The following NUP210L variants were observed in gnomAD, a reference collection of about 807,000 sequenced individuals.
The protein encoded by NUP210L is nuclear pore membrane glycoprotein 210-like.
Under a neutral mutation model 208.5 loss-of-function variants are expected in NUP210L, and 74 were observed. The observed-to-expected ratio is 0.35, with a 90% CI of 0.29 to 0.43. The LOEUF is 0.43. Among genes scored for constraint, NUP210L ranks in the 20% least tolerant of loss-of-function variants. The pLI is 1.00. For missense variants in NUP210L, 1,843 were observed against 2,289.4 expected (o/e 0.81, Z 3.98); for synonymous variants, 780 against 816.9 (o/e 0.95, Z 0.77).
chr1:154,103,758 C>T (rs1013407140), intron 13 of NUP210L, among the ~76,000 whole-genome samples: 2 of 151,796 alleles, frequency 1.3e-5, no homozygotes, highest in African/African-American at 4.8e-5. Context: ...CTGATATTGG[C>T]CAGCTGCAAT....
intron 38 of NUP210L, among the ~76,000 whole-genome samples, chr1:153,994,531 C>G (rs1239703365): frequency 1.3e-5 from 2 of 150,764 alleles, no homozygotes; most frequent in South Asian, 4.2e-4. Context: ...AGGCTGGTCT[C>G]GAACTCCTGA....
At chr1:154,068,839 G>T (rs573655825) in intron 17 of NUP210L, among the ~76,000 whole-genome samples, 319 of 152,168 alleles carry the variant, frequency 2.1e-3, no homozygotes, top group African/African-American at 6.9e-3. Context: ...GTGGGGGAAG[G>T]GGGGAGGGAT....
chr1:154,061,111 C>T, intron 18 of NUP210L, 65 bp from the exon 19 acceptor site: 4 of 1,145,474 alleles, frequency 3.5e-6, no homozygotes, highest in Non-Finnish European at 5.2e-6. Flanking sequence ...CCCACGGTGG[C>T]TTACGCTTGT....
chr1:154,065,564 C>T (rs779931848), intron 17 of NUP210L, among the ~76,000 whole-genome samples: 2 of 151,986 alleles, frequency 1.3e-5, no homozygotes, highest in Non-Finnish European at 2.9e-5. Context: ...AAAGGTGACA[C>T]GTGATAAAAT....
At chr1:154,016,542 TA>T (rs199875558) in intron 33 of NUP210L, among the ~76,000 whole-genome samples, 2,343 of 147,016 alleles carry the variant, frequency 0.016, 55 homozygotes, top group African/African-American at 0.054. Flanking sequence ...ATTTCTCTCA[TA>T]AAAAAAAAAA....
At chr1:154,008,705 CAA>C (rs1650717792) in intron 35 of NUP210L, among the ~76,000 whole-genome samples, 1 of 151,702 alleles carries the variant, frequency 6.6e-6, no homozygotes, top group East Asian at 2.0e-4. Context: ...GGCTCTGTCT[CAA>C]AAACAAAACA....
At chr1:154,073,922 T>G (rs1654907802) in intron 16 of NUP210L, among the ~76,000 whole-genome samples, 1 of 152,050 alleles carries the variant, frequency 6.6e-6, no homozygotes. Context: ...TTGACAACTC[T>G]GAATAGTGAT....
chr1:154,005,610 C>T (rs185146627), intron 35 of NUP210L, among the ~76,000 whole-genome samples: 105 of 152,180 alleles, frequency 6.9e-4, no homozygotes, highest in Non-Finnish European at 1.1e-3. Flanking sequence ...GATTTCAGCT[C>T]ACCACAACCT....
At chr1:154,084,460 C>T (rs1009952248) in intron 16 of NUP210L, among the ~76,000 whole-genome samples, 3 of 151,940 alleles carry the variant, frequency 2.0e-5, no homozygotes, top group Admixed American at 6.6e-5. Context: ...GATCCTCCCA[C>T]GTCAGCCTCC....
chr1:154,023,992 T>C lies in NUP210L; in HGVS notation c.4123-695A>G, dbSNP rs190914978. Reference sequence around the variant, plus strand: ...TTTAGTAGAGATGGGGGTTTCACCATCTTGGCCAGGTTGGTCTTGAACTCC... The same window carrying C: ...TTTAGTAGAGATGGGGGTTTCACCACCTTGGCCAGGTTGGTCTTGAACTCC... On this transcript the variant is annotated intron_variant, in intron 30 of 39. Transcript: ENST00000368559. Among the ~76,000 whole-genome samples the C allele has an allele frequency of 2.7e-4, 41 of 152,006 alleles. 2 individuals carry two copies. The East Asian group carries it at 6.6e-3, about 24-fold the overall frequency.
chr1:153,992,911 G>T lies in NUP210L; in HGVS notation c.5591C>A (p.Pro1864His), dbSNP rs530673215. 1.9e-6 allele frequency: 3 copies of T among 1,613,112 alleles called. No individual in the cohort carries two copies. The South Asian group carries it at 3.3e-5, about 18-fold the overall frequency. Residue 1864 changes from proline to histidine, a missense_variant, in exon 40 of 40, where the codon CCC becomes CAC. This residue lies in a region of NUP210L where 108 missense variants were observed against 91.1 expected (regional missense o/e 1.18). Transcript: ENST00000368559. ...AGGTTGTAGACTCATGAAGTGAGGG[G>T]GAGAACTTGTGGAGTTAAAAAAACC...
intron 12 of NUP210L, among the ~76,000 whole-genome samples, chr1:154,104,996 G>A (rs4845596): frequency 0.067 from 10,246 of 152,152 alleles, 500 homozygotes; most frequent in East Asian, 0.19. Context: ...GAGAGGAGAG[G>A]GGAGAGTAAA....
At chr1:154,137,707 C>T (rs1332842159) in intron 6 of NUP210L, among the ~76,000 whole-genome samples, 3 of 151,904 alleles carry the variant, frequency 2.0e-5, no homozygotes, top group Non-Finnish European at 4.4e-5. Flanking sequence ...AGAGTGAGAC[C>T]CCCATCTCAA....
At chr1:154,004,826 T>A (rs932379855) in intron 35 of NUP210L, among the ~76,000 whole-genome samples, 1 of 150,818 alleles carries the variant, frequency 6.6e-6, no homozygotes, top group African/African-American at 2.4e-5. Context: ...CCTCTTTTCT[T>A]TTTTTCTTTT....
chr1:154,068,275 T>C (rs573717995), intron 17 of NUP210L, among the ~76,000 whole-genome samples: 120 of 152,140 alleles, frequency 7.9e-4, no homozygotes, highest in African/African-American at 2.3e-3. Context: ...TCAGAAATAA[T>C]ACCACACATC....
intron 10 of NUP210L, 61 bp downstream of exon 10, chr1:154,126,262 A>C: frequency 6.8e-7 from 1 of 1,465,138 alleles, no homozygotes. Flanking sequence ...TTGCAAATCA[A>C]CAAGTCAGCC....
intron 27 of NUP210L, among the ~76,000 whole-genome samples, chr1:154,034,843 C>CTTTTT (rs35524701): frequency 7.3e-6 from 1 of 136,198 alleles, no homozygotes. Context: ...CTCTCTCTCT[C>CTTTTT]TTTTTTTTTT....
intron 37 of NUP210L, 142 bp from the exon 38 acceptor site, chr1:153,995,322 G>C: frequency 1.6e-6 from 1 of 618,672 alleles, no homozygotes; most frequent in South Asian, 2.0e-5. Context: ...TGCGATCTCA[G>C]CTCACTGCAA....
At chr1:153,993,370 TCC>T (rs1422785454) in intron 38 of NUP210L, among the ~76,000 whole-genome samples, 2 of 151,046 alleles carry the variant, frequency 1.3e-5, no homozygotes, top group Non-Finnish European at 2.9e-5. Flanking sequence ...ATTGAGACCA[TCC>T]TGGCTAACAC....
Sources: allele counts gnomAD v4.1 joint callset (sites outside exome capture counted in the v4.1 genomes callset), GRCh38; gene constraint gnomAD v4.1.1; regional missense constraint gnomAD v4.1.1; transcripts MANE v1.5; gene names NCBI Gene and HGNC (gene_info 2026-07-23, HGNC 2026-07-21).